ROBO1: variants seen among roughly 807,000 people sequenced by gnomAD.
ROBO1 encodes the protein roundabout guidance receptor 1.
Under a neutral mutation model 195.9 loss-of-function variants are expected in ROBO1, and 149 were observed. The ratio of observed to expected loss-of-function variants is 0.76; its 90% confidence interval spans 0.67 to 0.87. The LOEUF is 0.87. Among genes scored for constraint, ROBO1 ranks in the 40% least tolerant of loss-of-function variants. ROBO1 has a pLI of 0.00. For missense variants in ROBO1, 1,933 were observed against 2,068.3 expected (o/e 0.93, Z 1.27); for synonymous variants, 816 against 733.2 (o/e 1.11, Z -1.82).
At chr3:78,970,630 C>T (rs1336242383) in intron 3 of ROBO1, among the ~76,000 whole-genome samples, 1 of 151,930 alleles carries the variant, frequency 6.6e-6, no homozygotes, top group Non-Finnish European at 1.5e-5. Context: ...TAATCTATAA[C>T]CTAAACTAAC....
intron 2 of ROBO1, among the ~76,000 whole-genome samples, chr3:79,296,765 G>C (rs2032617356): frequency 6.6e-6 from 1 of 152,130 alleles, no homozygotes; most frequent in African/African-American, 2.4e-5. Flanking sequence ...AAAGAACTCA[G>C]AAACCCGTGA....
chr3:79,163,775 CAAAGA>C (rs2081015042), intron 2 of ROBO1, among the ~76,000 whole-genome samples: 1 of 151,970 alleles, frequency 6.6e-6, no homozygotes, highest in South Asian at 2.1e-4. Flanking sequence ...CATCTTGAAA[CAAAGA>C]AAAGGATCCT....
At chr3:79,390,543 G>T (rs537811050) in intron 2 of ROBO1, among the ~76,000 whole-genome samples, 1 of 152,246 alleles carries the variant, frequency 6.6e-6, no homozygotes, top group South Asian at 2.1e-4. Context: ...GTGGTGTGAC[G>T]TCATGGAAGC....
chr3:78,751,498 T>C (rs993856487), intron 4 of ROBO1, among the ~76,000 whole-genome samples: 9 of 152,102 alleles, frequency 5.9e-5, no homozygotes, highest in African/African-American at 2.2e-4. Flanking sequence ...AGCTAGAATA[T>C]AGAACTCCAG....
At chr3:78,673,736 G>A (rs199774889) in intron 10 of ROBO1, among the ~76,000 whole-genome samples, 14 of 149,916 alleles carry the variant, frequency 9.3e-5, no homozygotes, top group East Asian at 3.9e-4. Context: ...CAAAAATAGC[G>A]ATCATGAAGT....
At chr3:78,950,453 T>C (rs1030465030) in intron 3 of ROBO1, among the ~76,000 whole-genome samples, 14 of 135,470 alleles carry the variant, frequency 1.0e-4, no homozygotes, top group South Asian at 4.6e-4. Flanking sequence ...TAGGTGGGAA[T>C]TGAACAACGA....
At chr3:79,065,474 C>T (rs559698882) in intron 3 of ROBO1, among the ~76,000 whole-genome samples, 3 of 152,004 alleles carry the variant, frequency 2.0e-5, no homozygotes, top group Admixed American at 6.6e-5. Context: ...GAAATGAGGA[C>T]TTCTTGGAAA....
At chr3:78,896,306 CCA>C (rs990782259) in intron 4 of ROBO1, among the ~76,000 whole-genome samples, 22 of 152,196 alleles carry the variant, frequency 1.4e-4, no homozygotes, top group Middle Eastern at 3.4e-3. Context: ...CATCATATCC[CCA>C]GTGACCTGCA....
At chr3:78,855,287 C>T (rs1307819307) in intron 4 of ROBO1, among the ~76,000 whole-genome samples, 1 of 152,086 alleles carries the variant, frequency 6.6e-6, no homozygotes, top group African/African-American at 2.4e-5. Context: ...AACCTAAGTG[C>T]CCAAGTTAGC....
In ROBO1 at chr3:78,686,055, A is replaced by G. The variant is rs147064799; in HGVS notation, c.1171-138T>C. 6.5e-5 allele frequency: 43 copies of G among 662,450 alleles called. No individual in the cohort carries two copies. In the East Asian group the frequency reaches 1.2e-3, roughly 19 times the overall value. 41.0% of individuals were successfully genotyped at this position (662,450 alleles called of 1,614,324 possible). ...CACATATGCATATGTATCCGTCTAT[A>G]TACACACACAAAAATGAGCTAAGTA... is the stretch of plus-strand genomic sequence containing the variant. On this transcript the variant is annotated intron_variant, in intron 9 of 30. Coordinates refer to ENST00000464233, the MANE Select transcript of ROBO1 (RefSeq NM_002941.4).
At chr3:78,840,492 A>G (rs2033105419) in intron 4 of ROBO1, among the ~76,000 whole-genome samples, 2 of 152,200 alleles carry the variant, frequency 1.3e-5, no homozygotes, top group Admixed American at 1.3e-4. Context: ...TCTTACAACA[A>G]TCTTCTGAGA....
chr3:79,381,288 C>T (rs2036559781), intron 2 of ROBO1, among the ~76,000 whole-genome samples: 1 of 139,574 alleles, frequency 7.2e-6, no homozygotes, highest in African/African-American at 2.7e-5. Flanking sequence ...ACCCATGAGG[C>T]AGAGGTTGCA....
At chr3:79,725,788 A>T (rs924180803) in intron 1 of ROBO1, among the ~76,000 whole-genome samples, 2 of 152,144 alleles carry the variant, frequency 1.3e-5, no homozygotes, top group Non-Finnish European at 2.9e-5. Context: ...GCTAAAATAT[A>T]TGACTTTTAA....
intron 2 of ROBO1, among the ~76,000 whole-genome samples, chr3:79,328,923 C>A (rs1383449104): frequency 6.6e-6 from 1 of 152,104 alleles, no homozygotes; most frequent in Non-Finnish European, 1.5e-5. Context: ...AGTTACTTAA[C>A]TTAGAATAAT....
chr3:79,178,953 A>T (rs535952361), intron 2 of ROBO1, among the ~76,000 whole-genome samples: 1 of 152,312 alleles, frequency 6.6e-6, no homozygotes, highest in South Asian at 2.1e-4. Context: ...GCTTATGCAT[A>T]TTAGGACCTG....
At chr3:78,986,157 C>A (rs1418925792) in intron 3 of ROBO1, among the ~76,000 whole-genome samples, 1 of 152,246 alleles carries the variant, frequency 6.6e-6, no homozygotes, top group African/African-American at 2.4e-5. Context: ...CCAGATGATA[C>A]ATTTGCTTTG....
At chr3:79,111,922 A>T (rs2079894351) in intron 3 of ROBO1, among the ~76,000 whole-genome samples, 1 of 152,154 alleles carries the variant, frequency 6.6e-6, no homozygotes, top group African/African-American at 2.4e-5. Context: ...TCATGTGGTT[A>T]TCAAGCACTT....
chr3:79,663,713 G>T (rs1188366640), intron 1 of ROBO1, among the ~76,000 whole-genome samples: 1 of 152,000 alleles, frequency 6.6e-6, no homozygotes, highest in Non-Finnish European at 1.5e-5. Context: ...TATCTCTAGA[G>T]CACTTGCCAT....
intron 10 of ROBO1, among the ~76,000 whole-genome samples, chr3:78,677,581 C>T (rs1417410654): frequency 6.6e-6 from 1 of 151,440 alleles, no homozygotes; most frequent in Non-Finnish European, 1.5e-5. Context: ...CAAAGAAGGC[C>T]ATTACATAAT....
Sources: gnomAD v4.1 joint callset for allele counts (sites outside exome capture counted in the v4.1 genomes callset) on GRCh38, gnomAD v4.1.1 for gene constraint, MANE v1.5 for transcripts, NCBI Gene and HGNC (gene_info 2026-07-23, HGNC 2026-07-21) for gene names.